RNF25: variants seen among roughly 807,000 people sequenced by gnomAD.
RNF25 encodes ring finger protein 25.
In RNF25, 32 loss-of-function variants were observed where a neutral mutation model predicts 65.0. The ratio of observed to expected loss-of-function variants is 0.49; its 90% CI spans 0.37 to 0.66. RNF25 has a LOEUF of 0.66. RNF25 is among the 30% of genes least tolerant of loss of function. The probability of loss-of-function intolerance (pLI) is 0.00; values close to 1 mark genes in which losing one functional copy is unlikely to be tolerated. For synonymous variants in RNF25, 207 were observed against 221.2 expected, an observed-to-expected ratio of 0.94 and a Z score of 0.57; for missense variants, 493 against 584.8, an observed-to-expected ratio of 0.84 and a Z score of 1.62.
chr2:218,666,060 C>T lies in RNF25; in HGVS notation c.430-1G>A. 1 of 1,613,492 alleles carries T rather than the reference C, an allele frequency of 6.2e-7. No homozygotes were observed. Among genetic ancestry groups the T allele is most frequent in the African/African-American group, 1.3e-5 (1 of 75,026 alleles). ...GTGTTTTGGTAAAGGCCTCCTTCTC[C>T]TAGAGGGAAGGCAGATGTAGGGCAC... On this transcript the variant is annotated splice_acceptor_variant, in intron 6 of 9. Transcript: ENST00000295704. LOFTEE classifies it high-confidence loss of function.
In RNF25 at chr2:218,664,841, G is replaced by T; in HGVS notation, c.699C>A (p.Arg233=). The T allele has an allele frequency of 6.2e-7, 1 of 1,614,230 alleles. No homozygotes were observed. The highest frequency in any genetic ancestry group is 1.1e-5 in the South Asian group (1 of 91,092). The change falls in exon 9 of 10, where the codon CGC becomes CGA. Residue 233 remains arginine (R), a synonymous_variant. Transcript: ENST00000295704. The surrounding 1 kb of genome is among the most constrained non-coding windows in gnomAD (Gnocchi z 5.1). The part of the protein sequence containing the change: ...ELYQPSAESL[R]QQEERKRLYQ... Reference sequence around the variant, plus strand: ...AGAGCCGCTTGCGTTCTTCTTGCTGGCGCAAGCTCTCTGCACTGGGCTGGT... The same window carrying T: ...AGAGCCGCTTGCGTTCTTCTTGCTGTCGCAAGCTCTCTGCACTGGGCTGGT...
chr2:218,669,118 T>G (rs1453600746), intron 1 of RNF25, among the ~76,000 whole-genome samples: 1 of 152,230 alleles, frequency 6.6e-6, no homozygotes, highest in Non-Finnish European at 1.5e-5. Flanking sequence ...GTGCCTTGGC[T>G]ACTGTCTACA....
Position 218,671,974 on chromosome 2 carries a change from T to G in RNF25, c.-4A>C, listed in dbSNP as rs769559167. 3 of 1,614,176 alleles carry G rather than the reference T, an allele frequency of 1.9e-6. No individual in the cohort carries two copies. Among genetic ancestry groups the G allele is most frequent in the East Asian group, 2.2e-5 (1 of 44,866 alleles). ...CTGCAGACGCAGACGCCGCCATATC[T>G]TCACCGGCCCGCAGCCGGAACCGGA... On this transcript the variant is annotated 5_prime_UTR_variant, in exon 1 of 10. Coordinates refer to ENST00000295704, the MANE Select transcript of RNF25 (RefSeq NM_022453.3).
intron 4 of RNF25, 28 bp downstream of exon 4, chr2:218,668,051 T>C: frequency 6.2e-7 from 1 of 1,613,402 alleles, no homozygotes; most frequent in Non-Finnish European, 8.5e-7. Context: ...GTAGCTGAGT[T>C]TTCCCTGTTC....
intron 5 of RNF25, among the ~76,000 whole-genome samples, chr2:218,666,600 G>A (rs192086672): frequency 3.7e-4 from 56 of 152,316 alleles, no homozygotes; most frequent in African/African-American, 1.2e-3. Context: ...ACTCCCCCAT[G>A]GGGCAATGTG....
At chr2:218,667,355 C>CTT (rs1327336798) in intron 5 of RNF25, among the ~76,000 whole-genome samples, 4 of 139,536 alleles carry the variant, frequency 2.9e-5, no homozygotes, top group Admixed American at 7.2e-5. Context: ...ATGACTTTTT[C>CTT]TTTTTTTTTT....
Position 218,671,913 on chromosome 2 carries a change from C to T in RNF25, c.41+17G>A, listed in dbSNP as rs745832963. 26 of 1,614,216 alleles carry T rather than the reference C, an allele frequency of 1.6e-5. No homozygotes were observed. Among genetic ancestry groups the T allele is most frequent in the Non-Finnish European group, 2.1e-5 (25 of 1,180,020 alleles). On this transcript the variant is annotated intron_variant, in intron 1 of 9. Coordinates refer to ENST00000295704, the MANE Select transcript of RNF25 (RefSeq NM_022453.3). ...TAGATCCAGGCTGTCAGCCAAAGCC[C>T]ATGCCCCCAAAGTTACCAGTCCTCC...
At chr2:218,668,188 C>T (rs1302615408) in intron 3 of RNF25, 42 bp from the exon 4 acceptor site, 2 of 1,612,488 alleles carry the variant, frequency 1.2e-6, no homozygotes, top group African/African-American at 1.3e-5. Flanking sequence ...AGCGGTCCAC[C>T]CCAGGGACTC....
At chr2:218,668,217 T>G in intron 3 of RNF25, 22 bp downstream of exon 3, 1 of 1,612,868 alleles carries the variant, frequency 6.2e-7, no homozygotes, top group Non-Finnish European at 8.5e-7. Flanking sequence ...CTCCCTTTGC[T>G]GCCACACAGT....
chr2:218,666,148 G>A lies in RNF25; in HGVS notation c.429+11C>T, dbSNP rs1295664992. ...CCAAACAGAATGCCAGGTCCCAAGAGAGAAACCCACCTGGAAACCATAGAG... is the reference window on the plus strand; with the variant it reads ...CCAAACAGAATGCCAGGTCCCAAGAAAGAAACCCACCTGGAAACCATAGAG... On this transcript the variant is annotated intron_variant, in intron 6 of 9. Transcript: ENST00000295704. 1 of 1,613,834 alleles carries A rather than the reference G, an allele frequency of 6.2e-7. No homozygotes were observed.
intron 1 of RNF25, among the ~76,000 whole-genome samples, chr2:218,668,960 C>G (rs1939893998): frequency 6.6e-6 from 1 of 152,200 alleles, no homozygotes; most frequent in Non-Finnish European, 1.5e-5. Context: ...GAACTAGGCC[C>G]AGAGCCAGGT....
intron 1 of RNF25, 45 bp from the exon 2 acceptor site, chr2:218,668,724 G>T: frequency 7.3e-7 from 1 of 1,366,976 alleles, no homozygotes; most frequent in Non-Finnish European, 1.0e-6. Flanking sequence ...AGCTCTCCCT[G>T]TGGAAGCCTG....
In RNF25 at chr2:218,664,455, T is replaced by C. The variant is rs530876477; in HGVS notation, c.882A>G (p.Leu294=). Residue 294 remains leucine, a synonymous_variant, in exon 10 of 10, where the codon CTA becomes CTG. Transcript: ENST00000295704. The surrounding 1 kb of genome is among the most constrained non-coding windows in gnomAD (Gnocchi z 5.1). ...SQPPSTLAAE[L]STSPAVQSTL... is the part of the protein sequence containing the mutation. ...TGGATTGGACGGCTGGTGAGGTGGA[T>C]AGTTCTGCTGCAAGGGTGCTGGGTG... is the stretch of plus-strand genomic sequence containing the variant. 1.2e-6 allele frequency: 2 copies of C among 1,614,086 alleles called. No individual in the cohort carries two copies. The highest frequency in any genetic ancestry group is 2.7e-5 in the African/African-American group (2 of 75,018).
At chr2:218,667,861 A>G (rs372300112) in intron 5 of RNF25, 51 bp downstream of exon 5, 219 of 1,536,084 alleles carry the variant, frequency 1.4e-4, no homozygotes, top group Non-Finnish European at 1.9e-4. Context: ...ACAGCTAGAA[A>G]CTGCTCTAGC....
chr2:218,668,369 A>G, intron 2 of RNF25, 28 bp from the exon 3 acceptor site: 1 of 734,366 alleles, frequency 1.4e-6, no homozygotes, highest in Non-Finnish European at 2.2e-6. Context: ...GGACACGCAG[A>G]TGTGACTGGG....
chr2:218,665,375 T>C (rs918256734), intron 7 of RNF25, 128 bp from the exon 8 acceptor site: 7 of 738,208 alleles, frequency 9.5e-6, no homozygotes, highest in African/African-American at 1.8e-5. Context: ...AGCAGTGAGT[T>C]GGGACAGAGC....
At position 218,667,995 on chromosome 2, in the gene RNF25, G is replaced by A; in HGVS notation, c.288-14C>T. On this transcript the variant is annotated splice_polypyrimidine_tract_variant and intron_variant, in intron 4 of 9. Transcript: ENST00000295704. The stretch of plus-strand genomic sequence containing the variant: ...ACCTGTAAGATCCTGGAGGAAGAGG[G>A]CAAACCAAATATTAGACCTGCCCAT... 6.2e-7 allele frequency: 1 copy of A among 1,614,110 alleles called. No individual in the cohort carries two copies. The highest frequency in any genetic ancestry group is 8.5e-7 in the Non-Finnish European group (1 of 1,179,976).
In RNF25 at chr2:218,664,160, C is replaced by T. The variant is rs752031143; in HGVS notation, c.1177G>A (p.Gly393Arg). 6.4e-7 allele frequency: 1 copy of T among 1,554,230 alleles called. No homozygotes were observed. Among genetic ancestry groups the T allele is most frequent in the East Asian group, 2.2e-5 (1 of 44,508 alleles). Residue 393 changes from glycine (G) to arginine (R), a missense_variant, in exon 10 of 10, where the codon GGA becomes AGA. By Grantham distance (125) the Gly-to-Arg change is moderately radical (BLOSUM62 -2). Around this residue, in one of 3 missense-constraint regions of RNF25, gnomAD observed 351 missense variants for 400.2 expected, o/e 0.88. Coordinates refer to ENST00000295704, the MANE Select transcript of RNF25 (RefSeq NM_022453.3). The surrounding 1 kb of genome is among the most constrained non-coding windows in gnomAD (Gnocchi z 5.1). Reference protein sequence around the residue: ...MDLKPEPHSQGVEGPPQEKGP... With the variant: ...MDLKPEPHSQRVEGPPQEKGP... ...TTCTCTTGTGGAGGACCTTCAACTC[C>T]TTGGCTATGGGGTTCTGGCTTTAGG...
intron 4 of RNF25, 43 bp downstream of exon 4, chr2:218,668,036 A>G: frequency 6.2e-7 from 1 of 1,613,074 alleles, no homozygotes; most frequent in African/African-American, 1.3e-5. Flanking sequence ...TCACCGGGCA[A>G]AGCTGTAGCT....
Sources: allele counts gnomAD v4.1 joint callset (sites outside exome capture counted in the v4.1 genomes callset), GRCh38; gene constraint gnomAD v4.1.1; regional missense constraint gnomAD v4.1.1; non-coding constraint Gnocchi (gnomAD v3.1); transcripts MANE v1.5; gene names NCBI Gene and HGNC (gene_info 2026-07-23, HGNC 2026-07-21).